ALDH5A1: variants seen among roughly 807,000 people sequenced by gnomAD.
ALDH5A1 encodes the protein aldehyde dehydrogenase 5 family member A1.
ALDH5A1 carries 33 observed loss-of-function variants against 54.7 expected under a neutral mutation model. The ratio of observed to expected loss-of-function variants is 0.60; its 90% confidence interval spans 0.46 to 0.81. The LOEUF (loss-of-function observed/expected upper bound fraction) is 0.81. Ranked by LOEUF, ALDH5A1 falls within the 30% of genes least tolerant of loss-of-function variation. The probability of loss-of-function intolerance (pLI) is 0.00; values close to 1 mark genes in which losing one functional copy is unlikely to be tolerated. For synonymous variants in ALDH5A1, 294 were observed against 292.7 expected (o/e 1.00, Z -0.05); for missense variants, 657 against 711.0 (o/e 0.92, Z 0.86).
Position 24,530,935 on chromosome 6 carries a change from G to A in ALDH5A1, c.1344-1184G>A, listed in dbSNP as rs935861324. ...TTGCCCTGCCCACTCCTGCATGGGT[G>A]GTCTCGAGCTCGCTCTCACGTGAGG... On this transcript the variant is annotated intron_variant, in intron 8 of 9. Coordinates refer to ENST00000357578, the MANE Select transcript of ALDH5A1 (RefSeq NM_001080.3). 3.9e-5 allele frequency among the ~76,000 whole-genome samples: 6 copies of A among 152,350 alleles called. No homozygotes were observed. In the South Asian group the frequency reaches 8.3e-4, roughly 21 times the overall value.
rs1479579407 is a variant in ALDH5A1, at chr6:24,495,286, A to G, written c.290A>G (p.Glu97Gly). ...LGMVADCGVREARAAVRAAYE... is the reference protein window; with the variant it reads ...LGMVADCGVRGARAAVRAAYE... ...ATGGTAGCCGACTGCGGGGTGCGAG[A>G]GGCCCGCGCCGCCGTGCGCGCTGCC... Residue 97 changes from glutamate (E) to glycine (G), a missense_variant, in exon 1 of 10, where the codon GAG (glutamate) becomes GGG (glycine). By Grantham distance (98) the Glu-to-Gly change is moderately conservative. Transcript: ENST00000357578. 8 of 1,532,698 alleles carry G rather than the reference A, an allele frequency of 5.2e-6. No homozygotes were observed. The highest frequency in any genetic ancestry group is 1.4e-5 in the African/African-American group (1 of 72,822). The allele number at this position is 1,532,698 out of a possible 1,614,324, so 94.9% of individuals were successfully genotyped here. A position where few individuals can be genotyped will look rare whatever the true frequency, so the allele number is the denominator to read the frequency against.
chr6:24,515,550 C>T (rs534514848), intron 5 of ALDH5A1, among the ~76,000 whole-genome samples: 1 of 152,014 alleles, frequency 6.6e-6, no homozygotes, highest in South Asian at 2.1e-4. Flanking sequence ...CATGATGAAA[C>T]CCCCTCACAG....
intron 4 of ALDH5A1, chr6:24,511,700 T>C: frequency 2.5e-6 from 1 of 399,064 alleles, no homozygotes; most frequent in Admixed American, 4.4e-5. Context: ...GCTATCTATT[T>C]CATTGAAAAC....
chr6:24,501,892 T>G (rs909890210), intron 1 of ALDH5A1, among the ~76,000 whole-genome samples: 10 of 146,268 alleles, frequency 6.8e-5, no homozygotes, highest in Non-Finnish European at 1.3e-4. Context: ...TATATATATA[T>G]ATATGTGTGT....
At chr6:24,519,211 G>T (rs115215472) in intron 5 of ALDH5A1, among the ~76,000 whole-genome samples, 2,381 of 152,022 alleles carry the variant, frequency 0.016, 33 homozygotes, top group South Asian at 0.041. Context: ...TCCAACAGAT[G>T]GGGCCTGAAT....
chr6:24,519,658 G>T (rs807515), intron 5 of ALDH5A1, among the ~76,000 whole-genome samples: 118,892 of 151,990 alleles, frequency 0.78, 47,627 homozygotes, highest in Non-Finnish European at 0.88. Context: ...AGATATAAAG[G>T]GTTATGAAAA....
chr6:24,527,964 T>C (rs543925989), intron 7 of ALDH5A1, 33 bp from the exon 8 acceptor site: 3 of 1,611,874 alleles, frequency 1.9e-6, no homozygotes, highest in East Asian at 4.5e-5. Context: ...GATTGTATCA[T>C]GTGGAAAGCT....
intron 4 of ALDH5A1, among the ~76,000 whole-genome samples, chr6:24,514,258 A>C (rs540943869): frequency 4.6e-5 from 7 of 152,292 alleles, no homozygotes; most frequent in African/African-American, 1.4e-4. Context: ...TCACCTATGG[A>C]AAGGCTTTGC....
chr6:24,500,104 G>C (rs566415554), intron 1 of ALDH5A1, among the ~76,000 whole-genome samples: 31 of 152,244 alleles, frequency 2.0e-4, no homozygotes, highest in African/African-American at 6.7e-4. Context: ...CGCCACACCT[G>C]GTCCCATAAT....
chr6:24,526,899 ATC>A (rs1554137880), intron 7 of ALDH5A1, among the ~76,000 whole-genome samples: 3 of 76,900 alleles, frequency 3.9e-5, no homozygotes, highest in Non-Finnish European at 1.1e-4. Flanking sequence ...CTATATATAT[ATC>A]TACTATATAT....
Position 24,520,558 on chromosome 6 carries a change from AGTATTTCAGGATGT to A in ALDH5A1, c.1014+17_1014+30del, listed in dbSNP as rs1434755039. ...AACACTGGACAGGTGAGTCCTGGAG[AGTATTTCAGGATGT>A]GTGTTTGCGTGTGCATGTGTGAGTG... On this transcript the variant is annotated intron_variant, in intron 6 of 9. Coordinates refer to ENST00000357578, the MANE Select transcript of ALDH5A1 (RefSeq NM_001080.3). 2 of 1,613,494 alleles carry A rather than the reference AGTATTTCAGGATGT, an allele frequency of 1.2e-6. No homozygotes were observed. Among genetic ancestry groups the A allele is most frequent in the East Asian group, 4.5e-5 (2 of 44,866 alleles).
chr6:24,506,243 C>CTTTTTTT lies in ALDH5A1; in HGVS notation c.726+1282_726+1288dup, dbSNP rs70974913. Reference sequence around the variant, plus strand: ...TCTGCACCTCCTTCTTTCCTGGTTCCTTTTTTTTTTTTTTTTTTTTTTTTT... The same window carrying CTTTTTTT: ...TCTGCACCTCCTTCTTTCCTGGTTCCTTTTTTTTTTTTTTTTTTTTTTTTTTTTTTTT... On this transcript the variant is annotated intron_variant, in intron 4 of 9. Transcript: ENST00000357578. 3.8e-4 allele frequency among the ~76,000 whole-genome samples: 20 copies of CTTTTTTT among 52,156 alleles called. 3 individuals carry two copies. Among genetic ancestry groups the CTTTTTTT allele is most frequent in the Admixed American group, 6.9e-4 (2 of 2,908 alleles). The allele number at this position is 52,156 out of a possible 152,430, so 34.2% of individuals were successfully genotyped here.
At chr6:24,512,929 A>G (rs1283287437) in intron 4 of ALDH5A1, among the ~76,000 whole-genome samples, 1 of 151,916 alleles carries the variant, frequency 6.6e-6, no homozygotes, top group Non-Finnish European at 1.5e-5. Context: ...ACCTCAAGTG[A>G]TCCACCCACC....
chr6:24,498,783 G>A (rs1214607483), intron 1 of ALDH5A1, among the ~76,000 whole-genome samples: 2 of 152,114 alleles, frequency 1.3e-5, no homozygotes, highest in Non-Finnish European at 2.9e-5. Flanking sequence ...GTCCAACATG[G>A]TGAAACACTG....
At chr6:24,499,101 CA>C (rs35062384) in intron 1 of ALDH5A1, among the ~76,000 whole-genome samples, 33,370 of 91,174 alleles carry the variant, frequency 0.37, 4,124 homozygotes, top group African/African-American at 0.46. Context: ...GACTCTGTCT[CA>C]AAAAAAAAAA....
At chr6:24,525,197 AT>A in intron 7 of ALDH5A1, among the ~76,000 whole-genome samples, 1 of 152,196 alleles carries the variant, frequency 6.6e-6, no homozygotes, top group South Asian at 2.1e-4. Flanking sequence ...AGAGCAGATT[AT>A]ATTTGGGGAG....
intron 5 of ALDH5A1, among the ~76,000 whole-genome samples, chr6:24,519,573 TAATA>T (rs1299780392): frequency 6.6e-6 from 1 of 151,788 alleles, no homozygotes; most frequent in African/African-American, 2.4e-5. Flanking sequence ...TCAATAATAA[TAATA>T]AATAAAGTTC....
chr6:24,503,528 G>T (rs2127382525), intron 3 of ALDH5A1, 95 bp downstream of exon 3: 1 of 1,450,618 alleles, frequency 6.9e-7, no homozygotes, highest in East Asian at 2.4e-5. Flanking sequence ...TGCTCATCCT[G>T]TTAGTTTTGT....
chr6:24,508,192 G>A (rs150460576), intron 4 of ALDH5A1, among the ~76,000 whole-genome samples: 25,603 of 151,140 alleles, frequency 0.17, 2,280 homozygotes, highest in Middle Eastern at 0.2. Flanking sequence ...GTGAAACCCC[G>A]TCTCTACTAA....
Sources: gnomAD v4.1 joint callset for allele counts (sites outside exome capture counted in the v4.1 genomes callset) on GRCh38, gnomAD v4.1.1 for gene constraint, MANE v1.5 for transcripts, NCBI Gene and HGNC (gene_info 2026-07-23, HGNC 2026-07-21) for gene names.